HORMAD2: variants seen among roughly 807,000 people sequenced by gnomAD.
HORMAD2 encodes HORMA domain containing 2, also known as HORMA domain-containing protein 2.
Under a neutral mutation model 38.8 loss-of-function variants are expected in HORMAD2, and 45 were observed. The observed-to-expected ratio is 1.16, with a 90% confidence interval of 0.91 to 1.49. The LOEUF is 1.49. Among genes scored for constraint, HORMAD2 ranks in the 40% most tolerant of loss-of-function variants. The probability of loss-of-function intolerance (pLI) is 0.00; values close to 1 mark genes in which losing one functional copy is unlikely to be tolerated. For synonymous variants in HORMAD2, 126 were observed against 122.8 expected (o/e 1.03, Z -0.17); for missense variants, 338 against 367.0 (o/e 0.92, Z 0.65).
intron 10 of HORMAD2, among the ~76,000 whole-genome samples, chr22:30,165,063 C>G (rs1422451478): frequency 6.6e-6 from 1 of 152,014 alleles, no homozygotes; most frequent in Non-Finnish European, 1.5e-5. Flanking sequence ...TGTTTTGGCT[C>G]TTAGGTTTAG....
At chr22:30,078,607 C>CCAAAAAAA (rs1234942826), upstream of HORMAD2, among the ~76,000 whole-genome samples, 3 of 28,100 alleles carry the variant, frequency 1.1e-4, no homozygotes, top group South Asian at 2.0e-3. Context: ...CTCTGTCTCA[C>CCAAAAAAA]AAAAAAAAAA....
intron 1 of HORMAD2, among the ~76,000 whole-genome samples, chr22:30,087,202 G>A (rs1264258148): frequency 6.6e-6 from 1 of 152,188 alleles, no homozygotes; most frequent in Non-Finnish European, 1.5e-5. Flanking sequence ...TGGGAACGAG[G>A]AAGGGATTAA....
At chr22:30,138,172 G>A (rs13056990) in intron 10 of HORMAD2, among the ~76,000 whole-genome samples, 13,459 of 151,784 alleles carry the variant, frequency 0.089, 1,032 homozygotes, top group South Asian at 0.23. Flanking sequence ...ATGATGTCAA[G>A]CATCTTTTCA....
intron 1 of HORMAD2, among the ~76,000 whole-genome samples, chr22:30,083,261 TTG>T (rs1381262319): frequency 5.9e-5 from 9 of 152,272 alleles, no homozygotes; most frequent in Admixed American, 2.6e-4. Context: ...GAGTAAGACC[TTG>T]TCTCAAAAAC....
chr22:30,133,953 G>A (rs1282447155), intron 10 of HORMAD2, among the ~76,000 whole-genome samples: 2 of 152,082 alleles, frequency 1.3e-5, no homozygotes, highest in Admixed American at 1.3e-4. Flanking sequence ...TACTTTATGA[G>A]CCACTACCTA....
chr22:30,121,669 A>G lies in HORMAD2; in HGVS notation c.448A>G (p.Asn150Asp). 2 of 1,604,282 alleles carry G rather than the reference A, an allele frequency of 1.2e-6. No homozygotes were observed. The highest frequency in any genetic ancestry group is 1.7e-5 in the Admixed American group (1 of 58,324). ...SSTSFESGTNNEDIKKASVLL... is the reference protein window; with the variant it reads ...SSTSFESGTNDEDIKKASVLL... ...TACAAGCTTTGAAAGTGGAACAAAC[A>G]ATGAAGATATTAAGAAAGCCAGTGT... Residue 150 changes from asparagine (N) to aspartate (D), a missense_variant, in exon 9 of 11, where the codon AAT becomes GAT. Asn to Asp is a conservative substitution (Grantham distance 23). Transcript: ENST00000336726.
intron 7 of HORMAD2, among the ~76,000 whole-genome samples, chr22:30,115,280 C>T (rs1291845879): frequency 6.6e-6 from 1 of 152,138 alleles, no homozygotes; most frequent in East Asian, 1.9e-4. Flanking sequence ...TTGTTCGCCA[C>T]AATGCCCAGT....
downstream of HORMAD2, among the ~76,000 whole-genome samples, chr22:30,181,165 T>C (rs1926701300): frequency 6.6e-6 from 1 of 151,628 alleles, no homozygotes; most frequent in Admixed American, 6.6e-5. Flanking sequence ...ACACATGTGC[T>C]ACTATGCTTG....
rs776613000 is a variant in HORMAD2 at position 30,098,835 on chromosome 22, C to T, written c.52-17C>T. 4 of 1,600,332 alleles carry T rather than the reference C, an allele frequency of 2.5e-6. No individual in the cohort carries two copies. The African/African-American group carries it at 5.4e-5, about 22-fold the overall frequency. On this transcript the variant is annotated splice_polypyrimidine_tract_variant and intron_variant, in intron 2 of 10. Transcript: ENST00000336726. ...TTAAATAATACTAATCTTTTTTCAC[C>T]TCCGTTGTTTTTCCAGGAAACAGTT...
chr22:30,119,028 GC>G lies in HORMAD2; in HGVS notation c.393del (p.Thr132LeufsTer29). 1.3e-6 allele frequency: 2 copies of G among 1,587,304 alleles called. No individual in the cohort carries two copies. The highest frequency in any genetic ancestry group is 1.7e-6 in the Non-Finnish European group (2 of 1,165,104). ...CAAATTCAAATACACGAAAGAAGGA[GC>G]CACTATGGATTTTGACAGGTAGAAT... is the stretch of plus-strand genomic sequence containing the variant. ...QFKFKYTKEG[A>X]TMDFDSHSSS... On this transcript the variant is annotated frameshift_variant, in exon 8 of 11. Coordinates refer to ENST00000336726, the MANE Select transcript of HORMAD2 (RefSeq NM_152510.4). LOFTEE classifies it high-confidence loss of function.
chr22:30,133,636 T>TA (rs200161714), intron 10 of HORMAD2, among the ~76,000 whole-genome samples: 1,668 of 147,074 alleles, frequency 0.011, 29 homozygotes, highest in African/African-American at 0.038. Context: ...TTTAAACTGT[T>TA]AAAAACAAAA....
intron 5 of HORMAD2, 27 bp downstream of exon 5, chr22:30,104,464 G>A: frequency 1.3e-6 from 2 of 1,564,168 alleles, no homozygotes; most frequent in Non-Finnish European, 1.8e-6. Flanking sequence ...ACTTACACTG[G>A]AATCAAAGGC....
Position 30,116,762 on chromosome 22 carries a change from G to T in HORMAD2, c.343-2218G>T, listed in dbSNP as rs55897215. 8.1e-3 allele frequency among the ~76,000 whole-genome samples: 1,237 copies of T among 152,286 alleles called. 6 individuals are homozygous for T. The highest frequency in any genetic ancestry group is 0.015 in the Non-Finnish European group (995 of 68,018). The stretch of plus-strand genomic sequence containing the variant: ...TGCTTCAGGGATCAAATAATAAAGT[G>T]TAAATAAAATTATCAACTACTAAAA... On this transcript the variant is annotated intron_variant, in intron 7 of 10. Coordinates refer to ENST00000336726, the MANE Select transcript of HORMAD2 (RefSeq NM_152510.4).
At chr22:30,201,695 C>A in the HORMAD2 span, among the ~76,000 whole-genome samples, 1 of 152,112 alleles carries the variant, frequency 6.6e-6, no homozygotes, top group Admixed American at 6.5e-5. Flanking sequence ...GGATTACAGG[C>A]GTGAGCCACC....
chr22:30,186,845 A>G, the HORMAD2 span, among the ~76,000 whole-genome samples: 2 of 150,914 alleles, frequency 1.3e-5, no homozygotes, highest in Admixed American at 1.3e-4. Flanking sequence ...GCGATAGTAT[A>G]ACCTGTGGTT....
At chr22:30,117,789 T>G (rs1922154420) in intron 7 of HORMAD2, among the ~76,000 whole-genome samples, 1 of 152,210 alleles carries the variant, frequency 6.6e-6, no homozygotes, top group Non-Finnish European at 1.5e-5. Context: ...GCTGGGATTA[T>G]GGGCGTGAGC....
the HORMAD2 span, among the ~76,000 whole-genome samples, chr22:30,201,166 A>G: frequency 1.3e-5 from 2 of 152,166 alleles, no homozygotes. Flanking sequence ...CCTAGCTTCC[A>G]GTGGTTGCTG....
chr22:30,139,986 T>A (rs1174483426), intron 10 of HORMAD2, among the ~76,000 whole-genome samples: 1 of 152,092 alleles, frequency 6.6e-6, no homozygotes, highest in Admixed American at 6.6e-5. Context: ...TTTATATTGC[T>A]AGATGTTTTC....
the HORMAD2 span, among the ~76,000 whole-genome samples, chr22:30,187,755 G>A: frequency 6.6e-6 from 1 of 152,020 alleles, no homozygotes; most frequent in Non-Finnish European, 1.5e-5. Context: ...CCTGAAAATG[G>A]GCCAAATATA....
Sources: gnomAD v4.1 joint callset for allele counts (sites outside exome capture counted in the v4.1 genomes callset) on GRCh38, gnomAD v4.1.1 for gene constraint, MANE v1.5 for transcripts, NCBI Gene and HGNC (gene_info 2026-07-23, HGNC 2026-07-21) for gene names.